C10orf90: variants seen among roughly 807,000 people sequenced by gnomAD.
C10orf90 encodes the protein (E2-independent) E3 ubiquitin-conjugating enzyme FATS.
A neutral mutation model predicts 62.5 loss-of-function variants in C10orf90; 56 were observed. That is an observed-to-expected ratio of 0.90 (90% CI 0.72 to 1.12). The LOEUF is 1.12. Among genes scored for constraint, C10orf90 ranks in the 50% most tolerant of loss-of-function variants. The pLI, the probability that C10orf90 is intolerant of heterozygous loss-of-function variation, is 0.00. For missense variants in C10orf90, 970 were observed against 880.4 expected, an observed-to-expected ratio of 1.10 and a Z score of -1.29; for synonymous variants, 386 against 340.4, an observed-to-expected ratio of 1.13 and a Z score of -1.47.
At chr10:126,468,103 C>G (rs1260205816) in intron 4 of C10orf90, among the ~76,000 whole-genome samples, 1 of 147,788 alleles carries the variant, frequency 6.8e-6, no homozygotes, top group Non-Finnish European at 1.5e-5. Flanking sequence ...TTGACAGAGT[C>G]TCGTTCTGTC....
intron 2 of C10orf90, among the ~76,000 whole-genome samples, chr10:126,639,404 C>T (rs1286713202): frequency 1.3e-5 from 2 of 152,210 alleles, no homozygotes; most frequent in African/African-American, 4.8e-5. Flanking sequence ...GTGCCAGACG[C>T]CTGTCTCTCA....
chr10:126,627,927 T>C (rs2804439), intron 2 of C10orf90, among the ~76,000 whole-genome samples: 86,926 of 152,124 alleles, frequency 0.57, 25,164 homozygotes, highest in Middle Eastern at 0.69. Flanking sequence ...TGAATAGTGC[T>C]GGTTGATTTC....
intron 5 of C10orf90, 90 bp from the exon 6 acceptor site, chr10:126,461,675 G>T: frequency 1.4e-4 from 170 of 1,239,296 alleles, no homozygotes; most frequent in East Asian, 4.3e-4. Context: ...AGACAATTTT[G>T]AAAATAGAAA....
intron 2 of C10orf90, among the ~76,000 whole-genome samples, chr10:126,554,201 C>A (rs7085595): frequency 6.6e-6 from 1 of 151,898 alleles, no homozygotes; most frequent in South Asian, 2.1e-4. Context: ...ATAAATAATA[C>A]TTGGCATAGA....
intron 2 of C10orf90, among the ~76,000 whole-genome samples, chr10:126,559,536 G>C (rs1864853718): frequency 6.6e-6 from 1 of 152,130 alleles, no homozygotes; most frequent in Admixed American, 6.6e-5. Flanking sequence ...AAAGCCACCT[G>C]CCTTAAGGAG....
intron 2 of C10orf90, among the ~76,000 whole-genome samples, chr10:126,611,154 C>A (rs549621797): frequency 4.6e-4 from 70 of 152,284 alleles, no homozygotes; most frequent in Non-Finnish European, 8.5e-4. Flanking sequence ...CCCTATCCCC[C>A]TCAGCCACCT....
intron 2 of C10orf90, among the ~76,000 whole-genome samples, chr10:126,609,141 G>A (rs894006806): frequency 2.8e-4 from 43 of 152,252 alleles, no homozygotes; most frequent in South Asian, 4.1e-4. Context: ...GGTGGCTCAC[G>A]CCTGTAATCC....
intron 2 of C10orf90, among the ~76,000 whole-genome samples, chr10:126,537,331 A>G (rs1864264026): frequency 6.6e-6 from 1 of 152,204 alleles, no homozygotes; most frequent in Admixed American, 6.5e-5. Flanking sequence ...CTAAAAAGAG[A>G]TGTTTGAACA....
At chr10:126,668,580 A>G (rs1184641202) in intron 1 of C10orf90, among the ~76,000 whole-genome samples, 1 of 152,252 alleles carries the variant, frequency 6.6e-6, no homozygotes. Flanking sequence ...TTTGCTACCA[A>G]AAGTCAAGAG....
rs144838641 is a variant in C10orf90, at chr10:126,656,291, C to T, written c.241-9654G>A. Among the ~76,000 whole-genome samples the T allele has an allele frequency of 6.6e-3, 998 of 152,210 alleles. 5 individuals carry two copies. The highest frequency in any genetic ancestry group is 0.01 in the Middle Eastern group (3 of 294). On this transcript the variant is annotated intron_variant, in intron 1 of 9. Coordinates refer to ENST00000488181, the MANE Select transcript of C10orf90 (RefSeq NM_001350921.2). ...ACATCAATAATAATGTGATCAATAA[C>T]TTTTTGGGCTCTTATTATGAGCCAA... is the stretch of plus-strand genomic sequence containing the variant.
chr10:126,649,955 G>C (rs1266366476), intron 1 of C10orf90, among the ~76,000 whole-genome samples: 1 of 151,958 alleles, frequency 6.6e-6, no homozygotes, highest in African/African-American at 2.4e-5. Flanking sequence ...TAAGGGAAAA[G>C]GTAGAATGGG....
chr10:126,495,263 C>G (rs1861980401), intron 4 of C10orf90, among the ~76,000 whole-genome samples: 1 of 152,180 alleles, frequency 6.6e-6, no homozygotes, highest in African/African-American at 2.4e-5. Flanking sequence ...GTGGCTCACA[C>G]CTGTAATCCT....
intron 4 of C10orf90, among the ~76,000 whole-genome samples, chr10:126,492,795 C>G (rs536967219): frequency 1.3e-5 from 2 of 152,088 alleles, no homozygotes; most frequent in Non-Finnish European, 2.9e-5. Context: ...TTTAAGAAAG[C>G]TGATATGTAT....
At chr10:126,501,726 T>G (rs1247126836) in intron 4 of C10orf90, among the ~76,000 whole-genome samples, 3 of 152,130 alleles carry the variant, frequency 2.0e-5, no homozygotes, top group Admixed American at 2.0e-4. Flanking sequence ...CATGGACTAC[T>G]ACTAAGCCAT....
chr10:126,536,911 A>C (rs1218786081), intron 2 of C10orf90, among the ~76,000 whole-genome samples: 4 of 152,176 alleles, frequency 2.6e-5, no homozygotes, highest in Non-Finnish European at 5.9e-5. Flanking sequence ...AACTCTGTGG[A>C]ACCTGCAATA....
chr10:126,511,159 G>T (rs531693497), intron 3 of C10orf90, among the ~76,000 whole-genome samples: 2 of 152,280 alleles, frequency 1.3e-5, no homozygotes, highest in East Asian at 1.9e-4. Context: ...GAATGGAAGC[G>T]CATTTTCCAG....
chr10:126,564,403 C>A (rs1192207406), intron 2 of C10orf90, among the ~76,000 whole-genome samples: 2 of 151,882 alleles, frequency 1.3e-5, no homozygotes, highest in Non-Finnish European at 2.9e-5. Flanking sequence ...CCTTCCATTG[C>A]AAACACAAAC....
In C10orf90 at chr10:126,426,411, G is replaced by A. The variant is rs192943737; in HGVS notation, c.2253-321C>T. 9.2e-5 allele frequency among the ~76,000 whole-genome samples: 14 copies of A among 152,330 alleles called. No homozygotes were observed. The East Asian group carries it at 1.9e-3, about 21-fold the overall frequency. The stretch of plus-strand genomic sequence containing the variant: ...CCTTCCATTCTCTATGATAATTAAT[G>A]ACTTAATCGTAAAATGAAGGATTCT... On this transcript the variant is annotated intron_variant, in intron 8 of 9. Transcript: ENST00000488181.
chr10:126,588,494 T>G (rs1435319042), intron 2 of C10orf90, among the ~76,000 whole-genome samples: 1 of 152,172 alleles, frequency 6.6e-6, no homozygotes, highest in Non-Finnish European at 1.5e-5. Context: ...GCTGCCACTT[T>G]TGCTGTTTCT....
Sources: allele counts gnomAD v4.1 joint callset (sites outside exome capture counted in the v4.1 genomes callset), GRCh38; gene constraint gnomAD v4.1.1; transcripts MANE v1.5; gene names NCBI Gene and HGNC (gene_info 2026-07-23, HGNC 2026-07-21).